Variants in SSH2 observed in about 807,000 individuals in gnomAD.
The protein encoded by SSH2 is slingshot protein phosphatase 2.
Under a neutral mutation model 135.2 loss-of-function variants are expected in SSH2, and 37 were observed. The ratio of observed to expected loss-of-function variants is 0.27; its 90% CI spans 0.21 to 0.36. SSH2 has a LOEUF of 0.36. SSH2 is among the 10% of genes least tolerant of loss of function. The pLI, the probability that SSH2 is intolerant of heterozygous loss-of-function variation, is 1.00. For synonymous variants in SSH2, 628 were observed against 646.2 expected, an observed-to-expected ratio of 0.97 and a Z score of 0.43; for missense variants, 1,408 against 1,765.3, an observed-to-expected ratio of 0.80 and a Z score of 3.63.
At chr17:29,680,452 G>GAGGCAGGA (rs1197132651) in intron 6 of SSH2, among the ~76,000 whole-genome samples, 1 of 148,878 alleles carries the variant, frequency 6.7e-6, no homozygotes, top group Non-Finnish European at 1.5e-5. Context: ...TCGGGAGGCT[G>GAGGCAGGA]AGGCAGGAGA....
chr17:29,817,842 C>T (rs1159235605), intron 2 of SSH2, among the ~76,000 whole-genome samples: 3 of 152,150 alleles, frequency 2.0e-5, no homozygotes, highest in Admixed American at 6.5e-5. Flanking sequence ...ACTACAGGCT[C>T]AAACTCCTGG....
intron 1 of SSH2, among the ~76,000 whole-genome samples, chr17:29,877,296 C>T (rs1228322159): frequency 1.3e-5 from 2 of 152,178 alleles, no homozygotes; most frequent in African/African-American, 2.4e-5. Flanking sequence ...AATACAACCA[C>T]TATGGAGAAC....
At chr17:29,718,035 C>T (rs2039686238) in intron 3 of SSH2, among the ~76,000 whole-genome samples, 1 of 152,156 alleles carries the variant, frequency 6.6e-6, no homozygotes, top group Non-Finnish European at 1.5e-5. Flanking sequence ...TGTAGGGTTT[C>T]AGTGTTTCTA....
At chr17:29,795,536 C>T (rs913911880) in intron 2 of SSH2, among the ~76,000 whole-genome samples, 1 of 152,152 alleles carries the variant, frequency 6.6e-6, no homozygotes, top group South Asian at 2.1e-4. Context: ...TGGGAAAGAG[C>T]TGTCTCTAGA....
intron 4 of SSH2, among the ~76,000 whole-genome samples, chr17:29,701,308 T>C (rs2038968660): frequency 6.6e-6 from 1 of 152,008 alleles, no homozygotes; most frequent in Non-Finnish European, 1.5e-5. Context: ...GGTTTCGCCA[T>C]GTTAGCCAGG....
chr17:29,671,348 T>C (rs1202126988), intron 9 of SSH2, among the ~76,000 whole-genome samples: 2 of 152,006 alleles, frequency 1.3e-5, no homozygotes, highest in East Asian at 3.8e-4. Flanking sequence ...CCAGGTGTGG[T>C]GGCACATGCC....
At chr17:29,804,205 T>A (rs2042300066) in intron 2 of SSH2, among the ~76,000 whole-genome samples, 1 of 152,186 alleles carries the variant, frequency 6.6e-6, no homozygotes, top group Admixed American at 6.5e-5. Context: ...ATGCTCCTAT[T>A]AATATTATGA....
intron 14 of SSH2, chr17:29,647,648 A>C (rs2036431175): frequency 6.5e-6 from 1 of 154,666 alleles, no homozygotes; most frequent in Admixed American, 6.4e-5. Context: ...TCCCACTGGC[A>C]GTGTGTCCAG....
At chr17:29,685,336 A>G (rs2038167457) in intron 5 of SSH2, among the ~76,000 whole-genome samples, 1 of 152,224 alleles carries the variant, frequency 6.6e-6, no homozygotes, top group Non-Finnish European at 1.5e-5. Context: ...TTTACTGTTA[A>G]TGTAATAACA....
chr17:29,911,989 C>T (rs1235599301), intron 1 of SSH2, among the ~76,000 whole-genome samples: 1 of 152,168 alleles, frequency 6.6e-6, no homozygotes, highest in Non-Finnish European at 1.5e-5. Context: ...AAATGGAAAG[C>T]CATATACTTA....
chr17:29,708,063 A>T (rs2039279599), intron 3 of SSH2, among the ~76,000 whole-genome samples: 1 of 152,240 alleles, frequency 6.6e-6, no homozygotes, highest in African/African-American at 2.4e-5. Context: ...GTGATAAAAC[A>T]AAATTTATAA....
intron 6 of SSH2, among the ~76,000 whole-genome samples, chr17:29,681,841 TCAA>T (rs1445880634): frequency 6.6e-6 from 1 of 152,132 alleles, no homozygotes; most frequent in East Asian, 1.9e-4. Flanking sequence ...TCAAATTCCT[TCAA>T]CAACAACTGA....
chr17:29,783,483 G>A (rs965910342), intron 3 of SSH2, among the ~76,000 whole-genome samples: 5 of 151,904 alleles, frequency 3.3e-5, no homozygotes, highest in Non-Finnish European at 7.4e-5. Context: ...AGGGCAGGAC[G>A]CATCCAGCAT....
chr17:29,742,153 T>C (rs944202541), intron 3 of SSH2, among the ~76,000 whole-genome samples: 3 of 151,874 alleles, frequency 2.0e-5, no homozygotes, highest in African/African-American at 7.3e-5. Context: ...AACAAGATGG[T>C]CTCGATTTCC....
chr17:29,680,015 G>T (rs2037902570), intron 6 of SSH2, among the ~76,000 whole-genome samples: 1 of 151,872 alleles, frequency 6.6e-6, no homozygotes, highest in South Asian at 2.1e-4. Context: ...ATAGATATAG[G>T]TATAAAGACA....
At chr17:29,878,046 C>T (rs2066067837) in intron 1 of SSH2, among the ~76,000 whole-genome samples, 2 of 152,058 alleles carry the variant, frequency 1.3e-5, no homozygotes, top group Admixed American at 6.5e-5. Flanking sequence ...GATCATGCCA[C>T]TGCACTCCAG....
In SSH2 at chr17:29,779,810, C is replaced by CAA. The variant is rs56789691; in HGVS notation, c.188+14082_188+14083dup. Among the ~76,000 whole-genome samples the CAA allele has an allele frequency of 2.8e-3, 54 of 19,614 alleles. 8 individuals are homozygous for CAA. The highest frequency in any genetic ancestry group is 7.6e-3 in the African/African-American group (40 of 5,282). The allele number at this position is 19,614 out of a possible 152,430, so 12.9% of individuals were successfully genotyped here. A position where few individuals can be genotyped will look rare whatever the true frequency, so the allele number is the denominator to read the frequency against. Reference sequence around the variant, plus strand: ...TGGGCGACAGAGTGAGACTCTGTCTCAAAAAAAAAAAAAAAAAAAAAAAAA... The same window carrying CAA: ...TGGGCGACAGAGTGAGACTCTGTCTCAAAAAAAAAAAAAAAAAAAAAAAAAAA... On this transcript the variant is annotated intron_variant, in intron 3 of 15. Coordinates refer to ENST00000540801, the MANE Select transcript of SSH2 (RefSeq NM_001282129.2).
At chr17:29,847,373 G>C (rs568933909) in intron 2 of SSH2, among the ~76,000 whole-genome samples, 2 of 152,342 alleles carry the variant, frequency 1.3e-5, no homozygotes, top group South Asian at 4.1e-4. Context: ...AGGTGAAGCA[G>C]AGGGCAGAGA....
intron 11 of SSH2, among the ~76,000 whole-genome samples, chr17:29,657,219 G>A (rs879845527): frequency 5.3e-5 from 8 of 151,882 alleles, no homozygotes; most frequent in Admixed American, 4.6e-4. Context: ...CGCCTGCCTC[G>A]GCCTCCCAAA....
Sources: allele counts gnomAD v4.1 joint callset (sites outside exome capture counted in the v4.1 genomes callset), GRCh38; gene constraint gnomAD v4.1.1; transcripts MANE v1.5; gene names NCBI Gene and HGNC (gene_info 2026-07-23, HGNC 2026-07-21).